The following SLIT2 variants were observed in gnomAD, a reference collection of about 807,000 sequenced individuals.
SLIT2 encodes slit guidance ligand 2.
SLIT2 carries 41 observed loss-of-function variants against 185.7 expected under a neutral mutation model. The observed-to-expected ratio is 0.22, with a 90% confidence interval of 0.17 to 0.29. The LOEUF is 0.29. Among genes scored for constraint, SLIT2 ranks in the 10% least tolerant of loss-of-function variants. The pLI is 1.00. For missense variants in SLIT2, 1,571 were observed against 1,909.0 expected, an observed-to-expected ratio of 0.82 and a Z score of 3.30; for synonymous variants, 693 against 680.2, an observed-to-expected ratio of 1.02 and a Z score of -0.29.
chr4:20,604,407 T>C (rs1305108298), intron 33 of SLIT2, among the ~76,000 whole-genome samples: 1 of 152,176 alleles, frequency 6.6e-6, no homozygotes, highest in Non-Finnish European at 1.5e-5. Context: ...TGGAGTGCAG[T>C]GGCGCGATCT....
intron 4 of SLIT2, among the ~76,000 whole-genome samples, chr4:20,283,120 G>GCACACA (rs55949957): frequency 6.5e-4 from 98 of 149,954 alleles, no homozygotes; most frequent in African/African-American, 1.8e-3. Context: ...GTGCGCGCGC[G>GCACACA]CACACACACA....
chr4:20,329,040 C>T (rs1455521382), intron 4 of SLIT2, among the ~76,000 whole-genome samples: 3 of 151,952 alleles, frequency 2.0e-5, no homozygotes, highest in African/African-American at 7.2e-5. Context: ...AATATGGGGA[C>T]ATTTGTGTCA....
intron 7 of SLIT2, among the ~76,000 whole-genome samples, chr4:20,488,566 A>G (rs1185670879): frequency 6.6e-6 from 1 of 152,134 alleles, no homozygotes; most frequent in East Asian, 1.9e-4. Flanking sequence ...CCTCTTTTAA[A>G]TGAACGTAAG....
In SLIT2 at chr4:20,488,867, C is replaced by G. The variant is rs566102530; in HGVS notation, c.660C>G (p.Leu220=). 6 of 1,611,676 alleles carry G rather than the reference C, an allele frequency of 3.7e-6. No homozygotes were observed. The highest frequency in any genetic ancestry group is 1.3e-5 in the African/African-American group (1 of 75,032). ...NLYCDCHLAW[L]SDWLRQRPRV... ...ATTGTGACTGCCACCTGGCCTGGCT[C>G]TCCGACTGGCTTCGCCAAAGGCCTC... Residue 220 remains leucine, a synonymous_variant, in exon 8 of 37, where the codon CTC becomes CTG. Coordinates refer to ENST00000504154, the MANE Select transcript of SLIT2 (RefSeq NM_004787.4).
rs1193316620 is a variant in SLIT2 at position 20,430,145 on chromosome 4, T to A, written c.396-37607T>A. Among the ~76,000 whole-genome samples the A allele has an allele frequency of 4.2e-3, 643 of 152,236 alleles. 5 individuals are homozygous for A. Among genetic ancestry groups the A allele is most frequent in the Middle Eastern group, 6.8e-3 (2 of 294 alleles). ...AAGAATTACTATTTTTAGATTAGTA[T>A]ACATGTTTTAAAAATTCTTTTTTTC... On this transcript the variant is annotated intron_variant, in intron 4 of 36. Coordinates refer to ENST00000504154, the MANE Select transcript of SLIT2 (RefSeq NM_004787.4).
intron 3 of SLIT2, among the ~76,000 whole-genome samples, chr4:20,265,576 T>C (rs985490406): frequency 4.6e-5 from 7 of 151,924 alleles, no homozygotes; most frequent in South Asian, 4.1e-4. Flanking sequence ...TTTAGACATA[T>C]AAAGATCACT....
intron 33 of SLIT2, among the ~76,000 whole-genome samples, chr4:20,604,035 A>G (rs1728603196): frequency 6.6e-6 from 1 of 152,036 alleles, no homozygotes; most frequent in South Asian, 2.1e-4. Flanking sequence ...TCTGCTTTTC[A>G]TGTTTGGTTA....
chr4:20,567,212 A>G, intron 26 of SLIT2, 50 bp from the exon 27 acceptor site: 16 of 1,536,126 alleles, frequency 1.0e-5, no homozygotes, highest in Non-Finnish European at 1.4e-5. Flanking sequence ...AAGTAATTAA[A>G]AGTAAACTGG....
chr4:20,397,384 T>C (rs982825891), intron 4 of SLIT2, among the ~76,000 whole-genome samples: 2 of 151,844 alleles, frequency 1.3e-5, no homozygotes, highest in African/African-American at 4.8e-5. Context: ...TACAAAGCAC[T>C]TCCTAAGCCT....
intron 4 of SLIT2, among the ~76,000 whole-genome samples, chr4:20,309,538 A>G (rs895210535): frequency 1.3e-5 from 2 of 152,066 alleles, no homozygotes; most frequent in African/African-American, 2.4e-5. Context: ...CAAAAAATAA[A>G]AATAAAAAAG....
intron 14 of SLIT2, 49 bp downstream of exon 14, chr4:20,524,226 A>G (rs1227276762): frequency 1.3e-5 from 21 of 1,577,096 alleles, no homozygotes; most frequent in Non-Finnish European, 1.8e-5. Flanking sequence ...CAATGGTTAC[A>G]TGAGACCTAA....
chr4:20,550,744 T>C, intron 24 of SLIT2, 83 bp from the exon 25 acceptor site: 2 of 802,268 alleles, frequency 2.5e-6, no homozygotes. Context: ...AAATGCTTAT[T>C]ATAAACTAAA....
chr4:20,395,053 C>T (rs1458911046), intron 4 of SLIT2, among the ~76,000 whole-genome samples: 6 of 151,840 alleles, frequency 4.0e-5, no homozygotes, highest in Non-Finnish European at 5.9e-5. Flanking sequence ...ATACACCTGT[C>T]CCAAACCTCT....
At chr4:20,431,749 T>C (rs1728997877) in intron 4 of SLIT2, among the ~76,000 whole-genome samples, 1 of 152,218 alleles carries the variant, frequency 6.6e-6, no homozygotes, top group Non-Finnish European at 1.5e-5. Flanking sequence ...TCATTTCCTC[T>C]ACTTCATATA....
At position 20,617,170 on chromosome 4, in the gene SLIT2, C is replaced by T. The variant is rs150261233; in HGVS notation, c.4108C>T (p.Arg1370Trp). 5.6e-6 allele frequency: 9 copies of T among 1,598,958 alleles called. No homozygotes were observed. Among genetic ancestry groups the T allele is most frequent in the African/African-American group, 1.3e-5 (1 of 74,750 alleles). ...ATGGATGGGGCCCCTCTGTGACCAA[C>T]GGACCAATGACCCTTGCCTTGGAAA... The part of the protein sequence containing the change: ...EGWMGPLCDQ[R>W]TNDPCLGNKC... The change falls in exon 35 of 37, where the codon CGG becomes TGG. Residue 1370 changes from arginine (R) to tryptophan (W), a missense_variant. Physicochemically the swap from Arg to Trp is moderately radical, Grantham distance 101 (BLOSUM62 -3). Around this residue, in one of 3 missense-constraint regions of SLIT2, gnomAD observed 223 missense variants for 245.2 expected, o/e 0.91. Transcript: ENST00000504154.
At chr4:20,427,338 A>G (rs888669509) in intron 4 of SLIT2, among the ~76,000 whole-genome samples, 2 of 152,194 alleles carry the variant, frequency 1.3e-5, no homozygotes, top group Admixed American at 6.5e-5. Flanking sequence ...TAATGTACAT[A>G]TACATGTCCT....
intron 4 of SLIT2, among the ~76,000 whole-genome samples, chr4:20,433,265 C>T (rs1028003240): frequency 3.9e-5 from 6 of 152,180 alleles, no homozygotes; most frequent in African/African-American, 1.2e-4. Flanking sequence ...AATGAACTAC[C>T]GAGTGACACA....
intron 19 of SLIT2, among the ~76,000 whole-genome samples, chr4:20,540,302 AAAG>A (rs1722692808): frequency 6.6e-6 from 1 of 152,046 alleles, no homozygotes; most frequent in African/African-American, 2.4e-5. Context: ...AAAAAAAAAA[AAAG>A]AATCATTTGA....
chr4:20,522,953 G>GA (rs1019042293), intron 12 of SLIT2, among the ~76,000 whole-genome samples: 5 of 151,546 alleles, frequency 3.3e-5, no homozygotes, highest in Non-Finnish European at 7.4e-5. Flanking sequence ...TTGTGTAGCA[G>GA]AAAAAAAATG....
Sources: gnomAD v4.1 joint callset for allele counts (sites outside exome capture counted in the v4.1 genomes callset) on GRCh38, gnomAD v4.1.1 for gene constraint, gnomAD v4.1.1 regional missense constraint, MANE v1.5 for transcripts, NCBI Gene and HGNC (gene_info 2026-07-23, HGNC 2026-07-21) for gene names.